The following ZFYVE28 variants were observed in gnomAD, a reference collection of about 807,000 sequenced individuals.
ZFYVE28 encodes the protein zinc finger FYVE-type containing 28.
A neutral mutation model predicts 82.1 loss-of-function variants in ZFYVE28; 40 were observed. That is an observed-to-expected ratio of 0.49 (90% CI 0.38 to 0.63). The LOEUF (loss-of-function observed/expected upper bound fraction) is 0.63. Among genes scored for constraint, ZFYVE28 ranks in the 30% least tolerant of loss-of-function variants. The pLI is 0.00. For synonymous variants in ZFYVE28, 612 were observed against 546.1 expected, an observed-to-expected ratio of 1.12 and a Z score of -1.68; for missense variants, 1,321 against 1,242.1, an observed-to-expected ratio of 1.06 and a Z score of -0.96.
chr4:2,409,180 C>T lies in ZFYVE28; in HGVS notation c.39+9105G>A, dbSNP rs960181588. Among the ~76,000 whole-genome samples the T allele has an allele frequency of 6.6e-6, 1 of 151,682 alleles. No individual in the cohort carries two copies. The highest frequency in any genetic ancestry group is 2.4e-5 in the African/African-American group (1 of 41,202). The stretch of plus-strand genomic sequence containing the variant: ...TCTGCACCCCCATCTCCACCCTCCA[C>T]CTCGCAGCTCCTCTCCTGAGCTCCC... On this transcript the variant is annotated intron_variant, in intron 1 of 12. Transcript: ENST00000290974. The surrounding 1 kb of genome is among the most constrained non-coding windows in gnomAD (Gnocchi z 4.4).
At chr4:2,340,065 T>C (rs999791022) in intron 3 of ZFYVE28, among the ~76,000 whole-genome samples, 2 of 152,092 alleles carry the variant, frequency 1.3e-5, no homozygotes, top group African/African-American at 4.8e-5. Context: ...TTCAAGGAGC[T>C]TGGAGCTTCC....
intron 1 of ZFYVE28, among the ~76,000 whole-genome samples, chr4:2,360,852 T>C (rs917081877): frequency 2.6e-5 from 4 of 152,164 alleles, no homozygotes. Flanking sequence ...GCCCGACAGA[T>C]AAATGGGGAG....
At chr4:2,395,495 A>G (rs991892992) in intron 1 of ZFYVE28, among the ~76,000 whole-genome samples, 3 of 152,206 alleles carry the variant, frequency 2.0e-5, no homozygotes, top group African/African-American at 4.8e-5. Context: ...GGGAGCTGGA[A>G]CAGTGTGAGG....
chr4:2,389,949 C>G (rs756630398), intron 1 of ZFYVE28, among the ~76,000 whole-genome samples: 3 of 152,240 alleles, frequency 2.0e-5, no homozygotes, highest in Non-Finnish European at 4.4e-5. Flanking sequence ...CCAACGCCTC[C>G]CTTCCTCCCG....
intron 1 of ZFYVE28, among the ~76,000 whole-genome samples, chr4:2,355,207 T>A (rs1283100408): frequency 2.7e-3 from 1 of 366 alleles, no homozygotes; most frequent in African/African-American, 0.014. Context: ...AAAATATATA[T>A]ATATATATAT....
At chr4:2,353,108 A>G (rs947705951) in intron 2 of ZFYVE28, among the ~76,000 whole-genome samples, 17 of 152,220 alleles carry the variant, frequency 1.1e-4, no homozygotes, top group East Asian at 1.9e-4. Flanking sequence ...GAACAGCCCA[A>G]AAAAGAGCCC....
chr4:2,364,902 G>A (rs1726670997), intron 1 of ZFYVE28: 1 of 985,572 alleles, frequency 1.0e-6, no homozygotes. Context: ...AAGAGGCGGC[G>A]CGGAGGGACA....
chr4:2,397,561 C>G (rs1730613342), intron 1 of ZFYVE28, among the ~76,000 whole-genome samples: 1 of 152,068 alleles, frequency 6.6e-6, no homozygotes, highest in Non-Finnish European at 1.5e-5. Flanking sequence ...TTCCCAAACT[C>G]TGTCCCCATT....
chr4:2,336,462 G>A lies in ZFYVE28; in HGVS notation c.612-668C>T, dbSNP rs542192921. ...AAACACCATAGTACCACTTGAACAA[G>A]AGAAACATCAAGGTTACATCTTAAC... On this transcript the variant is annotated intron_variant, in intron 5 of 12. Coordinates refer to ENST00000290974, the MANE Select transcript of ZFYVE28 (RefSeq NM_020972.3). 2.0e-5 allele frequency among the ~76,000 whole-genome samples: 3 copies of A among 152,264 alleles called. No homozygotes were observed. In the East Asian group the frequency reaches 5.8e-4, roughly 29 times the overall value.
At chr4:2,278,371 G>A (rs1032445829) in intron 8 of ZFYVE28, among the ~76,000 whole-genome samples, 51 of 151,856 alleles carry the variant, frequency 3.4e-4, no homozygotes, top group African/African-American at 1.1e-3. Context: ...CATTTTTAGC[G>A]GAGATGGGGT....
chr4:2,399,227 A>G (rs1216457875), intron 1 of ZFYVE28, among the ~76,000 whole-genome samples: 1 of 151,876 alleles, frequency 6.6e-6, no homozygotes, highest in Non-Finnish European at 1.5e-5. Context: ...CCAGTGCACA[A>G]TGTGGGGGGT....
intron 1 of ZFYVE28, among the ~76,000 whole-genome samples, chr4:2,356,993 A>G (rs182869867): frequency 6.6e-6 from 1 of 152,148 alleles, no homozygotes; most frequent in Non-Finnish European, 1.5e-5. Flanking sequence ...CCCAGGCTCA[A>G]GCAATCATCC....
At chr4:2,281,998 C>G (rs1276531892) in intron 8 of ZFYVE28, among the ~76,000 whole-genome samples, 3 of 152,222 alleles carry the variant, frequency 2.0e-5, no homozygotes, top group Non-Finnish European at 4.4e-5. Flanking sequence ...CACAGAAAGA[C>G]AGGGAGCCAT....
chr4:2,395,762 GC>G (rs1730370910), intron 1 of ZFYVE28, among the ~76,000 whole-genome samples: 1 of 152,204 alleles, frequency 6.6e-6, no homozygotes. Context: ...GCCTTTGACC[GC>G]GGTGCTACCA....
chr4:2,346,078 C>T (rs1457021322), intron 2 of ZFYVE28, among the ~76,000 whole-genome samples: 1 of 151,718 alleles, frequency 6.6e-6, no homozygotes, highest in Non-Finnish European at 1.5e-5. Context: ...CCTGTAATCC[C>T]AGCACTTTGG....
At chr4:2,272,755 G>A (rs537433526) in intron 10 of ZFYVE28, among the ~76,000 whole-genome samples, 11 of 152,334 alleles carry the variant, frequency 7.2e-5, no homozygotes, top group African/African-American at 1.2e-4. Flanking sequence ...TAGAAGAGAC[G>A]TGGCACCACG....
rs143184560 is a variant in ZFYVE28, at chr4:2,303,405, C to T, written c.2051+884G>A. On this transcript the variant is annotated intron_variant, in intron 8 of 12. Transcript: ENST00000290974. The stretch of plus-strand genomic sequence containing the variant: ...CCCACCTTCATCCCCATCTGCTGCC[C>T]GGCTCCCACGGCTCCTGGTGGGGGC... Among the ~76,000 whole-genome samples, 95 of 152,274 alleles carry T rather than the reference C, an allele frequency of 6.2e-4. 1 individual carries two copies. The highest frequency in any genetic ancestry group is 1.9e-3 in the South Asian group (9 of 4,826).
At chr4:2,415,453 C>CACACACACACAG (rs1732938456) in intron 1 of ZFYVE28, among the ~76,000 whole-genome samples, 1 of 146,740 alleles carries the variant, frequency 6.8e-6, no homozygotes, top group Non-Finnish European at 1.5e-5. Context: ...CCTGTCTCTA[C>CACACACACACAG]ACACACACAC....
chr4:2,369,591 G>A (rs1439732408), intron 1 of ZFYVE28, among the ~76,000 whole-genome samples: 2 of 152,108 alleles, frequency 1.3e-5, no homozygotes, highest in African/African-American at 4.8e-5. Flanking sequence ...TGGACTCTCT[G>A]GGTGGGCCCT....
Sources: allele counts gnomAD v4.1 joint callset (sites outside exome capture counted in the v4.1 genomes callset), GRCh38; gene constraint gnomAD v4.1.1; non-coding constraint Gnocchi (gnomAD v3.1); transcripts MANE v1.5; gene names NCBI Gene and HGNC (gene_info 2026-07-23, HGNC 2026-07-21).